Variants in INTS7 observed in about 807,000 individuals in gnomAD.
INTS7 encodes the protein chromosome 1 open reading frame 73.
INTS7 carries 46 observed loss-of-function variants against 109.2 expected under a neutral mutation model. The ratio of observed to expected loss-of-function variants is 0.42; its 90% CI spans 0.33 to 0.54. INTS7 has a LOEUF of 0.54. INTS7 is among the 20% of genes least tolerant of loss of function. INTS7 has a pLI of 0.07. For synonymous variants in INTS7, 412 were observed against 402.9 expected (o/e 1.02, Z -0.27); for missense variants, 929 against 1,132.4 (o/e 0.82, Z 2.58).
intron 4 of INTS7, among the ~76,000 whole-genome samples, chr1:212,012,246 TG>T (rs764065095): frequency 7.5e-4 from 114 of 151,286 alleles, no homozygotes; most frequent in Non-Finnish European, 1.4e-3. Context: ...ATAAAACAAA[TG>T]TGGTTATGGT....
intron 4 of INTS7, among the ~76,000 whole-genome samples, chr1:212,013,316 C>T (rs1335088784): frequency 6.6e-6 from 1 of 152,010 alleles, no homozygotes; most frequent in Non-Finnish European, 1.5e-5. Context: ...ACACTGTGCC[C>T]AGCTATGTCT....
intron 4 of INTS7, among the ~76,000 whole-genome samples, chr1:212,014,030 T>C (rs1174347458): frequency 6.6e-6 from 1 of 152,250 alleles, no homozygotes; most frequent in African/African-American, 2.4e-5. Flanking sequence ...AAGGCACAAA[T>C]AGGAACTGTA....
chr1:211,993,963 A>C (rs1387258137), intron 7 of INTS7, among the ~76,000 whole-genome samples: 1 of 152,204 alleles, frequency 6.6e-6, no homozygotes, highest in Non-Finnish European at 1.5e-5. Context: ...TCCATCTGAA[A>C]ATTATAATAC....
At chr1:212,001,758 T>C (rs1338238130) in intron 7 of INTS7, among the ~76,000 whole-genome samples, 1 of 152,234 alleles carries the variant, frequency 6.6e-6, no homozygotes, top group Non-Finnish European at 1.5e-5. Context: ...ATGGCTGCAG[T>C]AGCTCTCATG....
intron 7 of INTS7, among the ~76,000 whole-genome samples, chr1:211,991,155 T>C (rs1571881985): frequency 6.6e-6 from 1 of 152,170 alleles, no homozygotes; most frequent in African/African-American, 2.4e-5. Flanking sequence ...CCAGATTCCA[T>C]TTAAAAGACT....
chr1:211,991,212 G>A (rs558114089), intron 7 of INTS7, among the ~76,000 whole-genome samples: 1 of 152,280 alleles, frequency 6.6e-6, no homozygotes, highest in South Asian at 2.1e-4. Context: ...ACAGAAAATA[G>A]GATGAGATAT....
chr1:211,956,508 A>G (rs1202765249), intron 16 of INTS7, among the ~76,000 whole-genome samples: 1 of 152,142 alleles, frequency 6.6e-6, no homozygotes, highest in Non-Finnish European at 1.5e-5. Flanking sequence ...TGTCCTGTTC[A>G]CCTAAGCAAA....
intron 1 of INTS7, among the ~76,000 whole-genome samples, chr1:212,032,725 C>T (rs1277089442): frequency 2.0e-5 from 3 of 152,126 alleles, no homozygotes; most frequent in Non-Finnish European, 2.9e-5. Flanking sequence ...GTGATCCGCC[C>T]GCCTCAGCTT....
intron 8 of INTS7, among the ~76,000 whole-genome samples, chr1:211,985,755 T>C (rs1469389487): frequency 3.3e-5 from 5 of 152,230 alleles, no homozygotes; most frequent in Non-Finnish European, 7.3e-5. Flanking sequence ...TCAGTTTCAA[T>C]ACTTATAAAC....
rs1196187704 is a variant in INTS7, at chr1:211,959,657, G to A, written c.2183+6773C>T. ...CTGCCCCCATTACCCCCGCATTACCGCCATTGCATTTGGAGCTCCTGTGTC... is the reference window on the plus strand; with the variant it reads ...CTGCCCCCATTACCCCCGCATTACCACCATTGCATTTGGAGCTCCTGTGTC... On this transcript the variant is annotated intron_variant, in intron 16 of 19. Coordinates refer to ENST00000366994, the MANE Select transcript of INTS7 (RefSeq NM_015434.4). This position sits in a 1 kb window ranked among gnomAD's most constrained non-coding sequence, Gnocchi z 4.2. Among the ~76,000 whole-genome samples the A allele has an allele frequency of 1.3e-5, 2 of 152,104 alleles. No individual in the cohort carries two copies. Among genetic ancestry groups the A allele is most frequent in the African/African-American group, 2.4e-5 (1 of 41,458 alleles).
intron 5 of INTS7, among the ~76,000 whole-genome samples, chr1:212,010,119 G>A (rs1237457867): frequency 6.6e-6 from 1 of 152,198 alleles, no homozygotes; most frequent in Non-Finnish European, 1.5e-5. Flanking sequence ...CAGCTTTAGT[G>A]TGGCTCTATT....
At position 211,942,719 on chromosome 1, in the gene INTS7, T is replaced by A. The variant is rs1187142686; in HGVS notation, c.2602-608A>T. On this transcript the variant is annotated intron_variant, in intron 19 of 19. Transcript: ENST00000366994. This position sits in a 1 kb window ranked among gnomAD's most constrained non-coding sequence, Gnocchi z 4.2. Reference sequence around the variant, plus strand: ...AGCACTGTTTTGTTCAGACTGGAAGTACAATATGTTATAAAACACAGATTT... The same window carrying A: ...AGCACTGTTTTGTTCAGACTGGAAGAACAATATGTTATAAAACACAGATTT... Among the ~76,000 whole-genome samples, 1 of 152,212 alleles carries A rather than the reference T, an allele frequency of 6.6e-6. No individual in the cohort carries two copies. Among genetic ancestry groups the A allele is most frequent in the African/African-American group, 2.4e-5 (1 of 41,454 alleles).
At position 211,941,691 on chromosome 1, in the gene INTS7, G is replaced by T; in HGVS notation, c.*133C>A. On this transcript the variant is annotated 3_prime_UTR_variant, in exon 20 of 20. Transcript: ENST00000366994. Reference sequence around the variant, plus strand: ...TTTTAAGAAAACAAAATTTTTTCCAGAATATTACATTACAAAAATCAATGA... The same window carrying T: ...TTTTAAGAAAACAAAATTTTTTCCATAATATTACATTACAAAAATCAATGA... 1 of 1,373,344 alleles carries T rather than the reference G, an allele frequency of 7.3e-7. No individual in the cohort carries two copies. 85.1% of individuals were successfully genotyped at this position (1,373,344 alleles called of 1,614,324 possible). A position where few individuals can be genotyped will look rare whatever the true frequency, so the allele number is the denominator to read the frequency against.
At chr1:211,973,037 T>C (rs1488385273) in intron 13 of INTS7, among the ~76,000 whole-genome samples, 1 of 152,154 alleles carries the variant, frequency 6.6e-6, no homozygotes, top group Non-Finnish European at 1.5e-5. Flanking sequence ...TGCAACCTCC[T>C]CTTCCCAGGC....
At chr1:212,005,450 A>G (rs1178980077) in intron 7 of INTS7, among the ~76,000 whole-genome samples, 1 of 152,198 alleles carries the variant, frequency 6.6e-6, no homozygotes, top group African/African-American at 2.4e-5. Context: ...TTTTCACTTA[A>G]AAGTATTTAA....
intron 16 of INTS7, among the ~76,000 whole-genome samples, chr1:211,954,050 C>T (rs995180398): frequency 6.6e-6 from 1 of 152,180 alleles, no homozygotes; most frequent in Non-Finnish European, 1.5e-5. Flanking sequence ...TCCACATCCT[C>T]TCCAGCACCT....
At chr1:211,960,572 C>T (rs1663576685) in intron 16 of INTS7, among the ~76,000 whole-genome samples, 1 of 152,118 alleles carries the variant, frequency 6.6e-6, no homozygotes, top group Non-Finnish European at 1.5e-5. Context: ...TAAAATTATA[C>T]AGGAGCCAAA....
In INTS7 at chr1:211,952,585, G is replaced by C. The variant is rs978208691; in HGVS notation, c.2300C>G (p.Thr767Ser). The C allele has an allele frequency of 3.1e-6, 5 of 1,612,584 alleles. No homozygotes were observed. Among genetic ancestry groups the C allele is most frequent in the East Asian group, 2.2e-5 (1 of 44,766 alleles). ...EEVESLNRKY[T>S]PVSYMHTACL... The stretch of plus-strand genomic sequence containing the variant: ...GCCACTTGCCATATAAGAAACAGGG[G>C]TATATTTCCGATTGAGTGATTCTAC... Residue 767 changes from threonine to serine, a missense_variant, in exon 17 of 20, where the codon ACC becomes AGC. Physicochemically the swap from Thr to Ser is moderately conservative, Grantham distance 58. Around this residue, in one of 2 missense-constraint regions of INTS7, gnomAD observed 787 missense variants for 901.1 expected, o/e 0.87. Coordinates refer to ENST00000366994, the MANE Select transcript of INTS7 (RefSeq NM_015434.4).
At chr1:211,985,399 A>G (rs1003386803) in intron 8 of INTS7, among the ~76,000 whole-genome samples, 1 of 152,180 alleles carries the variant, frequency 6.6e-6, no homozygotes, top group African/African-American at 2.4e-5. Context: ...ATAAAGATTT[A>G]CCATTATTTA....
Sources: gnomAD v4.1 joint callset for allele counts (sites outside exome capture counted in the v4.1 genomes callset) on GRCh38, gnomAD v4.1.1 for gene constraint, gnomAD v4.1.1 regional missense constraint, Gnocchi (gnomAD v3.1) non-coding constraint, MANE v1.5 for transcripts, NCBI Gene and HGNC (gene_info 2026-07-23, HGNC 2026-07-21) for gene names.